Variants in KCND2 observed in about 807,000 individuals in gnomAD.
The protein encoded by KCND2 is potassium voltage-gated channel subfamily D member 2.
KCND2 carries 16 observed loss-of-function variants against 54.4 expected under a neutral mutation model. The observed-to-expected ratio is 0.29, with a 90% CI of 0.20 to 0.45. The LOEUF (loss-of-function observed/expected upper bound fraction) is 0.45, where lower values mean the gene tolerates loss of function less well. KCND2 is among the 20% of genes least tolerant of loss of function. The pLI is 1.00. For missense variants in KCND2, 486 were observed against 824.2 expected, an observed-to-expected ratio of 0.59 and a Z score of 5.02; for synonymous variants, 317 against 310.7, an observed-to-expected ratio of 1.02 and a Z score of -0.21.
At chr7:120,638,087 G>A (rs897549833) in intron 1 of KCND2, among the ~76,000 whole-genome samples, 4 of 152,094 alleles carry the variant, frequency 2.6e-5, no homozygotes, top group African/African-American at 7.2e-5. Context: ...GTAAAATAAA[G>A]GTTGGAGCAA....
chr7:120,433,335 T>C (rs530295210), intron 1 of KCND2, among the ~76,000 whole-genome samples: 2 of 152,336 alleles, frequency 1.3e-5, no homozygotes, highest in African/African-American at 4.8e-5. Flanking sequence ...CAAATCTTTC[T>C]TTAGAATTCT....
chr7:120,420,872 C>T (rs1016314952), intron 1 of KCND2, among the ~76,000 whole-genome samples: 6 of 152,034 alleles, frequency 3.9e-5, no homozygotes, highest in Non-Finnish European at 8.8e-5. Flanking sequence ...ATTAATCATT[C>T]GACATACATA....
intron 1 of KCND2, among the ~76,000 whole-genome samples, chr7:120,531,359 T>C (rs773860100): frequency 1.3e-5 from 2 of 152,136 alleles, no homozygotes; most frequent in Non-Finnish European, 1.5e-5. Context: ...ACTCTTTCAA[T>C]AGATGAACTG....
At chr7:120,428,888 AG>A (rs1801751956) in intron 1 of KCND2, among the ~76,000 whole-genome samples, 1 of 152,168 alleles carries the variant, frequency 6.6e-6, no homozygotes, top group East Asian at 1.9e-4. Flanking sequence ...TATGCCTTAA[AG>A]GTCCTTTATT....
intron 1 of KCND2, among the ~76,000 whole-genome samples, chr7:120,281,137 C>T (rs1159679331): frequency 1.3e-5 from 2 of 152,040 alleles, no homozygotes; most frequent in Non-Finnish European, 2.9e-5. Flanking sequence ...AAGAGTTGGC[C>T]TATGAGTCAT....
At chr7:120,515,293 C>T (rs1803180089) in intron 1 of KCND2, among the ~76,000 whole-genome samples, 1 of 152,030 alleles carries the variant, frequency 6.6e-6, no homozygotes, top group African/African-American at 2.4e-5. Context: ...TTTGTGAAGC[C>T]CTCCCTGATC....
chr7:120,357,161 C>T (rs945325097), intron 1 of KCND2, among the ~76,000 whole-genome samples: 1 of 152,034 alleles, frequency 6.6e-6, no homozygotes, highest in African/African-American at 2.4e-5. Flanking sequence ...AAATAACTAA[C>T]ATTTATTAAG....
At chr7:120,523,352 GA>G (rs1372547281) in intron 1 of KCND2, among the ~76,000 whole-genome samples, 6 of 151,000 alleles carry the variant, frequency 4.0e-5, no homozygotes, top group East Asian at 3.9e-4. Flanking sequence ...AGATAATTCA[GA>G]AAAAAAGTAA....
intron 1 of KCND2, among the ~76,000 whole-genome samples, chr7:120,650,123 T>C (rs377545477): frequency 6.6e-6 from 1 of 150,410 alleles, no homozygotes; most frequent in African/African-American, 2.5e-5. Context: ...GGAGTATCTT[T>C]GTGGCATTCT....
chr7:120,648,316 A>C (rs1793466999), intron 1 of KCND2, among the ~76,000 whole-genome samples: 1 of 152,212 alleles, frequency 6.6e-6, no homozygotes, highest in African/African-American at 2.4e-5. Context: ...TGAATGAAAA[A>C]ATATAATAGA....
chr7:120,481,317 A>G (rs1317875638), intron 1 of KCND2, among the ~76,000 whole-genome samples: 1 of 152,216 alleles, frequency 6.6e-6, no homozygotes, highest in Admixed American at 6.5e-5. Context: ...TTTTAACCGC[A>G]TAAAATGAGA....
intron 1 of KCND2, among the ~76,000 whole-genome samples, chr7:120,392,072 A>T (rs1231827573): frequency 6.6e-6 from 1 of 152,100 alleles, no homozygotes; most frequent in Non-Finnish European, 1.5e-5. Context: ...TCTTTAATCC[A>T]TCTTGAGTTA....
chr7:120,421,017 G>A (rs1801612553), intron 1 of KCND2, among the ~76,000 whole-genome samples: 1 of 152,128 alleles, frequency 6.6e-6, no homozygotes, highest in Admixed American at 6.5e-5. Flanking sequence ...TAATAATGTG[G>A]CAAGTACGTG....
intron 1 of KCND2, among the ~76,000 whole-genome samples, chr7:120,518,045 A>G (rs1033160438): frequency 1.6e-4 from 24 of 152,150 alleles, no homozygotes; most frequent in African/African-American, 4.8e-4. Context: ...TTATACAGTT[A>G]TTCATACCTG....
At chr7:120,486,996 T>C (rs1234988334) in intron 1 of KCND2, among the ~76,000 whole-genome samples, 2 of 152,176 alleles carry the variant, frequency 1.3e-5, no homozygotes, top group Non-Finnish European at 2.9e-5. Flanking sequence ...AAATTGGAAC[T>C]ATAAGAAGGA....
At position 120,436,301 on chromosome 7, in the gene KCND2, G is replaced by C. The variant is rs191969059; in HGVS notation, c.1115+160554G>C. Among the ~76,000 whole-genome samples, 7 of 152,216 alleles carry C rather than the reference G, an allele frequency of 4.6e-5. No individual in the cohort carries two copies. In the East Asian group the frequency reaches 5.8e-4, roughly 13 times the overall value. On this transcript the variant is annotated intron_variant, in intron 1 of 5. Transcript: ENST00000331113. ...ATGTACTCATCATTAAGAAATTAAA[G>C]ATAATCCGTAAATAAAACAATGACA...
chr7:120,457,279 C>T (rs1420042698), intron 1 of KCND2, among the ~76,000 whole-genome samples: 1 of 152,166 alleles, frequency 6.6e-6, no homozygotes, highest in Non-Finnish European at 1.5e-5. Flanking sequence ...CTCCTCATTA[C>T]TTATGTAAAT....
intron 1 of KCND2, among the ~76,000 whole-genome samples, chr7:120,701,906 T>C (rs565316133): frequency 1.3e-5 from 2 of 152,240 alleles, no homozygotes; most frequent in East Asian, 3.9e-4. Context: ...AAGCAGTGAT[T>C]TCATGATGAA....
At chr7:120,403,485 T>C (rs1225001886) in intron 1 of KCND2, among the ~76,000 whole-genome samples, 1 of 148,116 alleles carries the variant, frequency 6.8e-6, no homozygotes. Context: ...CCGGCTAATT[T>C]TTTTTTTTTT....
Sources: gnomAD v4.1 joint callset for allele counts (sites outside exome capture counted in the v4.1 genomes callset) on GRCh38, gnomAD v4.1.1 for gene constraint, MANE v1.5 for transcripts, NCBI Gene and HGNC (gene_info 2026-07-23, HGNC 2026-07-21) for gene names.